Variants in TMEM19 observed in about 807,000 individuals in gnomAD.
TMEM19 encodes the protein transmembrane protein 19.
Under a neutral mutation model 33.6 loss-of-function variants are expected in TMEM19, and 21 were observed. The observed-to-expected ratio is 0.62, with a 90% CI of 0.44 to 0.90. The LOEUF is 0.90. Ranked by LOEUF, TMEM19 falls within the 40% of genes least tolerant of loss-of-function variation. TMEM19 has a pLI of 0.00. For synonymous variants in TMEM19, 149 were observed against 147.5 expected (o/e 1.01, Z -0.07); for missense variants, 402 against 401.8 (o/e 1.00, Z 0.00).
At position 71,698,903 on chromosome 12, in the gene TMEM19, C is replaced by T; in HGVS notation, c.641C>T (p.Thr214Ile). ...ITTWEKVPVG[T>I]NGGVTVVGLV... ...TTTCTGCATGTTTCTTCTTCAGGTA[C>T]CAATGGAGGAGTTACAGTGGTGGGC... The change falls in exon 5 of 6, where the codon ACC becomes ATC. Residue 214 changes from threonine to isoleucine, a missense_variant. Transcript: ENST00000266673. 1.2e-6 allele frequency: 2 copies of T among 1,613,856 alleles called. No homozygotes were observed. Among genetic ancestry groups the T allele is most frequent in the African/African-American group, 1.3e-5 (1 of 75,010 alleles).
intron 2 of TMEM19, among the ~76,000 whole-genome samples, chr12:71,692,669 C>A (rs1203948945): frequency 6.6e-6 from 1 of 151,992 alleles, no homozygotes; most frequent in Non-Finnish European, 1.5e-5. Flanking sequence ...TAAAAATTAT[C>A]CTAGTGCTAT....
Position 71,699,118 on chromosome 12 carries a change from A to ATTCCT in TMEM19, c.847+11_847+15dup. On this transcript the variant is annotated intron_variant, in intron 5 of 5. Transcript: ENST00000266673. ...TACAATGCAGTATACTGGTAAGAAC[A>ATTCCT]TTCCTTCATTCTTGCAACTTATTGG... 1 of 1,613,410 alleles carries ATTCCT rather than the reference A, an allele frequency of 6.2e-7. No individual in the cohort carries two copies. Among genetic ancestry groups the ATTCCT allele is most frequent in the Non-Finnish European group, 8.5e-7 (1 of 1,179,356 alleles).
intron 3 of TMEM19, 48 bp downstream of exon 3, chr12:71,696,621 C>A: frequency 6.8e-7 from 1 of 1,462,934 alleles, no homozygotes; most frequent in Non-Finnish European, 9.2e-7. Context: ...TCATTTAATC[C>A]TAACATAAGG....
chr12:71,686,325 G>A lies in TMEM19; in HGVS notation c.-356G>A, dbSNP rs1565848684. The A allele has an allele frequency of 7.9e-6, 2 of 252,380 alleles. No homozygotes were observed. The highest frequency in any genetic ancestry group is 6.3e-5 in the Admixed American group (1 of 15,878). 15.6% of individuals were successfully genotyped at this position (252,380 alleles called of 1,614,324 possible). ...GTGAGAAGGTTGCGACGGGAGGTGGGTGGAACTCGCCAGCGCCGGGACCGC... is the reference window on the plus strand; with the variant it reads ...GTGAGAAGGTTGCGACGGGAGGTGGATGGAACTCGCCAGCGCCGGGACCGC... On this transcript the variant is annotated 5_prime_UTR_variant, in exon 1 of 6. In the 5' UTR this introduces an upstream ATG that the reference lacks. Transcript: ENST00000266673.
rs773694105 is a variant in TMEM19 at position 71,703,347 on chromosome 12, C to G, written c.*2352C>G. The G allele has an allele frequency of 6.6e-6, 1 of 151,764 alleles. No individual in the cohort carries two copies. The highest frequency in any genetic ancestry group is 6.6e-5 in the Admixed American group (1 of 15,222). The allele number at this position is 151,764 out of a possible 1,614,324, so 9.4% of individuals were successfully genotyped here. A position where few individuals can be genotyped will look rare whatever the true frequency, so the allele number is the denominator to read the frequency against. On this transcript the variant is annotated 3_prime_UTR_variant, in exon 6 of 6. Coordinates refer to ENST00000266673, the MANE Select transcript of TMEM19 (RefSeq NM_018279.4). Reference sequence around the variant, plus strand: ...TATTAGCAACCACACAATATGTTATCTTTATGGATGAATAACTTCTGGTAA... The same window carrying G: ...TATTAGCAACCACACAATATGTTATGTTTATGGATGAATAACTTCTGGTAA...
rs2013933 is a variant in TMEM19, at chr12:71,702,461, G to A, written c.*1466G>A. ...CTCCCAAGTAGCTGGGATCACAGGC[G>A]TGCACCATCACGCCCGGCTAATTTT... is the stretch of plus-strand genomic sequence containing the variant. On this transcript the variant is annotated 3_prime_UTR_variant, in exon 6 of 6. Transcript: ENST00000266673. 0.11 allele frequency: 16,184 copies of A among 152,244 alleles called. 1,201 individuals carry two copies. The highest frequency in any genetic ancestry group is 0.37 in the East Asian group (1,900 of 5,146). 9.4% of individuals were successfully genotyped at this position (152,244 alleles called of 1,614,324 possible).
chr12:71,694,130 G>A (rs1487023393), intron 2 of TMEM19, among the ~76,000 whole-genome samples: 1 of 152,182 alleles, frequency 6.6e-6, no homozygotes, highest in African/African-American at 2.4e-5. Flanking sequence ...ATTCATGACA[G>A]AAACATATAC....
intron 1 of TMEM19, among the ~76,000 whole-genome samples, chr12:71,688,726 C>G (rs921814381): frequency 6.6e-6 from 1 of 152,156 alleles, no homozygotes; most frequent in Non-Finnish European, 1.5e-5. Flanking sequence ...CAGAACTTCC[C>G]AATTTTAAAA....
At chr12:71,697,785 A>G (rs1383253674) in intron 4 of TMEM19, among the ~76,000 whole-genome samples, 32 of 152,228 alleles carry the variant, frequency 2.1e-4, no homozygotes, top group Admixed American at 2.1e-3. Context: ...TGATTTGCAA[A>G]CATATCAGTA....
chr12:71,692,538 G>T (rs1881802278), intron 2 of TMEM19, among the ~76,000 whole-genome samples: 2 of 152,194 alleles, frequency 1.3e-5, no homozygotes. Flanking sequence ...TTTATTTGCT[G>T]CCAGCCCTTA....
intron 4 of TMEM19, 61 bp downstream of exon 4, chr12:71,697,595 T>G: frequency 1.3e-5 from 20 of 1,499,910 alleles, no homozygotes; most frequent in Non-Finnish European, 1.8e-5. Context: ...TGATTTGAGA[T>G]TCTTTAAAAA....
At chr12:71,689,047 A>G (rs191887046) in intron 1 of TMEM19, among the ~76,000 whole-genome samples, 65 of 152,302 alleles carry the variant, frequency 4.3e-4, no homozygotes, top group Non-Finnish European at 7.9e-4. Context: ...AAAGGTTTTC[A>G]AAACTTGGAC....
In TMEM19 at chr12:71,686,770, A is replaced by T. The variant is rs34694164; in HGVS notation, c.90A>T (p.Leu30Phe). Residue 30 changes from leucine (L) to phenylalanine (F), a missense_variant, in exon 1 of 6, where the codon TTA becomes TTT. Leu to Phe is a conservative substitution (Grantham distance 22, BLOSUM62 0). Transcript: ENST00000266673. Reference sequence around the variant, plus strand: ...TGAGCCTGATCATTTGCATTTCGTTAGCTTTCTGGATTATATCAATGACTG... The same window carrying T: ...TGAGCCTGATCATTTGCATTTCGTTTGCTTTCTGGATTATATCAATGACTG... ...VILSLIICISLAFWIISMTAS... is the reference protein window; with the variant it reads ...VILSLIICISFAFWIISMTAS... The T allele has an allele frequency of 1.6e-4, 263 of 1,612,894 alleles. 1 individual carries two copies. In the African/African-American group the frequency reaches 3.1e-3, roughly 19 times the overall value.
intron 5 of TMEM19, among the ~76,000 whole-genome samples, chr12:71,700,253 G>T (rs1470585374): frequency 6.6e-6 from 1 of 152,182 alleles, no homozygotes; most frequent in Non-Finnish European, 1.5e-5. Flanking sequence ...AAGAGTGTAG[G>T]TTTTATTCTA....
intron 4 of TMEM19, among the ~76,000 whole-genome samples, chr12:71,697,749 G>A (rs1463644784): frequency 1.3e-5 from 2 of 152,124 alleles, no homozygotes; most frequent in Non-Finnish European, 2.9e-5. Flanking sequence ...GCAAGACCTA[G>A]ATAAGCAATA....
Position 71,698,078 on chromosome 12 carries a change from C to CTGAAAAAATT in TMEM19, c.637+550_637+559dup, listed in dbSNP as rs559216912. Among the ~76,000 whole-genome samples the CTGAAAAAATT allele has an allele frequency of 2.1e-3, 313 of 152,286 alleles. 1 individual carries two copies. The highest frequency in any genetic ancestry group is 6.3e-3 in the Admixed American group (97 of 15,298). On this transcript the variant is annotated intron_variant, in intron 4 of 5. Coordinates refer to ENST00000266673, the MANE Select transcript of TMEM19 (RefSeq NM_018279.4). Reference sequence around the variant, plus strand: ...CTATATAATGCAAATATTCCAAACTCTGAAAAAATTTGAAATCCAAAACAC... The same window carrying CTGAAAAAATT: ...CTATATAATGCAAATATTCCAAACTCTGAAAAAATTTGAAAAAATTTGAAATCCAAAACAC...
intron 2 of TMEM19, among the ~76,000 whole-genome samples, chr12:71,693,614 G>T (rs1353519227): frequency 6.6e-6 from 1 of 152,168 alleles, no homozygotes; most frequent in Non-Finnish European, 1.5e-5. Context: ...ATAGATGTTA[G>T]TTATTATTAC....
chr12:71,694,223 G>GGA (rs2137595360), intron 2 of TMEM19, among the ~76,000 whole-genome samples: 1 of 152,254 alleles, frequency 6.6e-6, no homozygotes, highest in East Asian at 1.9e-4. Context: ...CTGGTCTCTT[G>GGA]GAGAGAGAGC....
rs759386246 is a variant in TMEM19 at position 71,697,402 on chromosome 12, G to A, written c.505G>A (p.Ala169Thr). ...AGTCGATTTTTCCAAGCAGTACTCC[G>A]CTTCCTGGATGTGTTTGTCTCTCTT... ...IPVDFSKQYS[A>T]SWMCLSLLAA... The change falls in exon 4 of 6, where the codon GCT (alanine) becomes ACT (threonine). Residue 169 changes from alanine (A) to threonine (T), a missense_variant. Ala to Thr is a moderately conservative substitution (Grantham distance 58). Coordinates refer to ENST00000266673, the MANE Select transcript of TMEM19 (RefSeq NM_018279.4). 1.3e-5 allele frequency: 21 copies of A among 1,610,698 alleles called. No individual in the cohort carries two copies. Among genetic ancestry groups the A allele is most frequent in the South Asian group, 6.6e-5 (6 of 90,424 alleles).
Sources: gnomAD v4.1 joint callset for allele counts (sites outside exome capture counted in the v4.1 genomes callset) on GRCh38, gnomAD v4.1.1 for gene constraint, MANE v1.5 for transcripts, NCBI Gene and HGNC (gene_info 2026-07-23, HGNC 2026-07-21) for gene names.